The following RIPK4 variants were observed in gnomAD, a reference collection of about 807,000 sequenced individuals.
RIPK4 encodes the protein receptor-interacting serine/threonine-protein kinase 4.
Under a neutral mutation model 42.9 loss-of-function variants are expected in RIPK4, and 17 were observed. The ratio of observed to expected loss-of-function variants is 0.40; its 90% CI spans 0.27 to 0.59. RIPK4 has a LOEUF of 0.59. Among genes scored for constraint, RIPK4 ranks in the 20% least tolerant of loss-of-function variants. The pLI is 0.47. For synonymous variants in RIPK4, 498 were observed against 499.1 expected (o/e 1.00, Z 0.03); for missense variants, 897 against 1,104.4 (o/e 0.81, Z 2.66).
At position 41,742,997 on chromosome 21, in the gene RIPK4, C is replaced by A. The variant is rs2061159318; in HGVS notation, c.1195+885G>T. On this transcript the variant is annotated intron_variant, in intron 7 of 7. Transcript: ENST00000332512. This position sits in a 1 kb window ranked among gnomAD's most constrained non-coding sequence, Gnocchi z 5.1. ...GTAGCATTGCCTTAAAACAAGACAG[C>A]CTCCTTTGCCCCCAATATTCTAATC... Among the ~76,000 whole-genome samples, 1 of 152,138 alleles carries A rather than the reference C, an allele frequency of 6.6e-6. No homozygotes were observed. Among genetic ancestry groups the A allele is most frequent in the Admixed American group, 6.5e-5 (1 of 15,272 alleles).
At chr21:41,762,989 C>T (rs1379181702) in intron 1 of RIPK4, among the ~76,000 whole-genome samples, 1 of 152,196 alleles carries the variant, frequency 6.6e-6, no homozygotes, top group Non-Finnish European at 1.5e-5. Context: ...CTGTGCCTTG[C>T]TCCAAGCGCA....
rs758130125 is a variant in RIPK4, at chr21:41,744,130, G to A, written c.947C>T (p.Ala316Val). ...PPEPRSEVVP[A>V]RLKRASAPTF... Reference sequence around the variant, plus strand: ...GGGGGCAGAGGCCCGCTTGAGCCTCGCAGGCACCACCTGCGAAGATGCAGA... The same window carrying A: ...GGGGGCAGAGGCCCGCTTGAGCCTCACAGGCACCACCTGCGAAGATGCAGA... The change falls in exon 7 of 8, where the codon GCG becomes GTG. Residue 316 changes from alanine to valine, a missense_variant. Ala to Val is a moderately conservative substitution (Grantham distance 64). Coordinates refer to ENST00000332512, the MANE Select transcript of RIPK4 (RefSeq NM_020639.3). 8 of 1,591,128 alleles carry A rather than the reference G, an allele frequency of 5.0e-6. No individual in the cohort carries two copies. The highest frequency in any genetic ancestry group is 1.7e-5 in the Admixed American group (1 of 58,168).
At position 41,741,612 on chromosome 21, in the gene RIPK4, G is replaced by A. The variant is rs143300354; in HGVS notation, c.1581C>T (p.Asn527=). 1.1e-4 allele frequency: 182 copies of A among 1,612,626 alleles called. No individual in the cohort carries two copies. Among genetic ancestry groups the A allele is most frequent in the Non-Finnish European group, 1.3e-4 (156 of 1,180,026 alleles). The change falls in exon 8 of 8, where the codon AAC becomes AAT. Residue 527 remains asparagine, a synonymous_variant. Transcript: ENST00000332512. ...CAAAGTCCACCTCGTTGACCGAGGC[G>A]TTCTTCTCCAACAGCAGCCGTGTGC... ...ESSTRLLLEK[N]ASVNEVDFEG...
At chr21:41,764,559 C>T (rs973644927) in intron 1 of RIPK4, among the ~76,000 whole-genome samples, 24 of 152,052 alleles carry the variant, frequency 1.6e-4, no homozygotes, top group Non-Finnish European at 2.9e-4. Context: ...ATTCAGGGAA[C>T]ATCTTGCAAA....
chr21:41,761,725 T>C (rs2061220917), intron 1 of RIPK4, among the ~76,000 whole-genome samples: 1 of 152,234 alleles, frequency 6.6e-6, no homozygotes, highest in Non-Finnish European at 1.5e-5. Flanking sequence ...ACACGTATTC[T>C]GAGAACAATG....
At position 41,741,564 on chromosome 21, in the gene RIPK4, C is replaced by T; in HGVS notation, c.1629G>A (p.Val543=). Residue 543 remains valine, a synonymous_variant, in exon 8 of 8, where the codon GTG becomes GTA. Transcript: ENST00000332512. ...TATTCTCCTGCCCGTGCTGGCAGGCCACGTGCATGGGCGTCCGGCCCTCAA... is the reference window on the plus strand; with the variant it reads ...TATTCTCCTGCCCGTGCTGGCAGGCTACGTGCATGGGCGTCCGGCCCTCAA... ...VDFEGRTPMH[V]ACQHGQENIV... is the part of the protein sequence containing the mutation. 6.2e-7 allele frequency: 1 copy of T among 1,612,004 alleles called. No homozygotes were observed. Among genetic ancestry groups the T allele is most frequent in the Non-Finnish European group, 8.5e-7 (1 of 1,180,028 alleles).
At chr21:41,766,784 C>T in intron 1 of RIPK4, 76 bp downstream of exon 1, 1 of 1,452,896 alleles carries the variant, frequency 6.9e-7, no homozygotes, top group Non-Finnish European at 9.3e-7. Context: ...AGAGGCAGGA[C>T]CCCGGGACCA....
chr21:41,746,774 G>A lies in RIPK4; in HGVS notation c.674-3C>T, dbSNP rs200917164. The A allele has an allele frequency of 5.1e-6, 8 of 1,581,398 alleles. No homozygotes were observed. The African/African-American group carries it at 9.4e-5, about 19-fold the overall frequency. On this transcript the variant is annotated splice_polypyrimidine_tract_variant and splice_region_variant and intron_variant, in intron 4 of 7. Coordinates refer to ENST00000332512, the MANE Select transcript of RIPK4 (RefSeq NM_020639.3). ...GATGTGCAGGATGTTCTTCTCATCTGCCAAGGGAAGGATGCGAGTCAGGGG... is the reference window on the plus strand; with the variant it reads ...GATGTGCAGGATGTTCTTCTCATCTACCAAGGGAAGGATGCGAGTCAGGGG...
At chr21:41,747,296 G>A (rs1447271911) in intron 4 of RIPK4, among the ~76,000 whole-genome samples, 1 of 152,196 alleles carries the variant, frequency 6.6e-6, no homozygotes, top group Admixed American at 6.5e-5. Flanking sequence ...GGGCTGGGAT[G>A]TGTGGAAGGG....
intron 1 of RIPK4, among the ~76,000 whole-genome samples, chr21:41,758,003 A>C (rs2061209304): frequency 2.3e-5 from 1 of 44,316 alleles, no homozygotes; most frequent in African/African-American, 8.0e-5. Context: ...CATAACAAAA[A>C]AAAAAAAAAA....
rs1283626148 is a variant in RIPK4, at chr21:41,751,077, G to A, written c.623+20C>T. On this transcript the variant is annotated intron_variant, in intron 3 of 7. Coordinates refer to ENST00000332512, the MANE Select transcript of RIPK4 (RefSeq NM_020639.3). This position sits in a 1 kb window ranked among gnomAD's most constrained non-coding sequence, Gnocchi z 4.5. ...GAGCCCCTGGCACCCACAGGGGATG[G>A]GGGGCGGCATGTCACACACCTGTAT... 8 of 1,606,568 alleles carry A rather than the reference G, an allele frequency of 5.0e-6. No individual in the cohort carries two copies. In the African/African-American group the frequency reaches 1.1e-4, roughly 21 times the overall value.
intron 1 of RIPK4, among the ~76,000 whole-genome samples, chr21:41,759,152 G>A (rs577532157): frequency 6.6e-6 from 1 of 152,278 alleles, no homozygotes; most frequent in African/African-American, 2.4e-5. Flanking sequence ...AGGCTGGAGT[G>A]CAGTGGCATG....
chr21:41,756,035 G>A (rs1222435178), intron 2 of RIPK4, among the ~76,000 whole-genome samples: 2 of 152,150 alleles, frequency 1.3e-5, no homozygotes, highest in East Asian at 1.9e-4. Flanking sequence ...CAGAGGCAAC[G>A]AGCCCCTCCT....
chr21:41,766,239 G>A (rs1192012735), intron 1 of RIPK4, among the ~76,000 whole-genome samples: 1 of 152,242 alleles, frequency 6.6e-6, no homozygotes, highest in East Asian at 1.9e-4. Flanking sequence ...GAGCCCCGGA[G>A]CTCCACCGCG....
At chr21:41,744,650 T>C (rs553702744) in intron 6 of RIPK4, among the ~76,000 whole-genome samples, 1 of 152,052 alleles carries the variant, frequency 6.6e-6, no homozygotes, top group Non-Finnish European at 1.5e-5. Context: ...ATGTGAGGCA[T>C]GTATGGCGGG....
rs2061150036 is a variant in RIPK4, at chr21:41,740,772, TC to T, written c.*65del. On this transcript the variant is annotated 3_prime_UTR_variant, in exon 8 of 8. Coordinates refer to ENST00000332512, the MANE Select transcript of RIPK4 (RefSeq NM_020639.3). Reference sequence around the variant, plus strand: ...CAGGGCCCCACGCAGGATCGTTCCATCCCCACGAGGAACACAGGACAGGACA... The same window carrying T: ...CAGGGCCCCACGCAGGATCGTTCCATCCCACGAGGAACACAGGACAGGACA... 4.1e-6 allele frequency: 6 copies of T among 1,471,082 alleles called. No homozygotes were observed. In the Admixed American group the frequency reaches 1.3e-4, roughly 32 times the overall value. 91.1% of individuals were successfully genotyped at this position (1,471,082 alleles called of 1,614,324 possible). A position where few individuals can be genotyped will look rare whatever the true frequency, so the allele number is the denominator to read the frequency against.
At chr21:41,760,972 TGG>T (rs921111869) in intron 1 of RIPK4, among the ~76,000 whole-genome samples, 2 of 152,164 alleles carry the variant, frequency 1.3e-5, no homozygotes. Flanking sequence ...TGCTAGCCTG[TGG>T]GGGTCCCTGG....
chr21:41,763,723 A>T (rs911508486), intron 1 of RIPK4, among the ~76,000 whole-genome samples: 6 of 152,210 alleles, frequency 3.9e-5, no homozygotes, highest in African/African-American at 1.4e-4. Flanking sequence ...TAAAACTGAC[A>T]AGAAACGGGC....
chr21:41,744,291 G>A lies in RIPK4; in HGVS notation c.937-151C>T. ...TGGAAGCAATGCAGATAACCTATTGGTCACCGAGCTCAGACCCCGCATCGG... is the reference window on the plus strand; with the variant it reads ...TGGAAGCAATGCAGATAACCTATTGATCACCGAGCTCAGACCCCGCATCGG... On this transcript the variant is annotated intron_variant, in intron 6 of 7. Transcript: ENST00000332512. 1.2e-5 allele frequency: 9 copies of A among 741,696 alleles called. No individual in the cohort carries two copies. The Admixed American group carries it at 2.4e-4, about 19-fold the overall frequency. The allele number at this position is 741,696 out of a possible 1,614,324, so 45.9% of individuals were successfully genotyped here. A position where few individuals can be genotyped will look rare whatever the true frequency, so the allele number is the denominator to read the frequency against.
Sources: gnomAD v4.1 joint callset for allele counts (sites outside exome capture counted in the v4.1 genomes callset) on GRCh38, gnomAD v4.1.1 for gene constraint, Gnocchi (gnomAD v3.1) non-coding constraint, MANE v1.5 for transcripts, NCBI Gene and HGNC (gene_info 2026-07-23, HGNC 2026-07-21) for gene names.